The following ARHGAP10 variants were observed in gnomAD, a reference collection of about 807,000 sequenced individuals.
ARHGAP10 encodes the protein Rho GTPase activating protein 10, also known as rho GTPase-activating protein 10.
ARHGAP10 carries 87 observed loss-of-function variants against 108.6 expected under a neutral mutation model. That is an observed-to-expected ratio of 0.80 (90% CI 0.67 to 0.96). ARHGAP10 has a LOEUF of 0.96. Ranked by LOEUF, ARHGAP10 falls within the 40% of genes least tolerant of loss-of-function variation. The probability of loss-of-function intolerance (pLI) is 0.00; values close to 1 mark genes in which losing one functional copy is unlikely to be tolerated. For missense variants in ARHGAP10, 939 were observed against 954.5 expected (o/e 0.98, Z 0.21); for synonymous variants, 347 against 341.1 (o/e 1.02, Z -0.19).
intron 19 of ARHGAP10, among the ~76,000 whole-genome samples, chr4:148,041,506 C>T (rs554781174): frequency 1.3e-5 from 2 of 152,298 alleles, no homozygotes; most frequent in South Asian, 4.2e-4. Context: ...AGTTTGTCAT[C>T]ATCACAACAA....
chr4:147,834,080 T>C (rs1001131730), intron 3 of ARHGAP10, among the ~76,000 whole-genome samples: 1 of 152,236 alleles, frequency 6.6e-6, no homozygotes, highest in African/African-American at 2.4e-5. Context: ...CTTACAGTTA[T>C]GGAGGCTGAG....
chr4:148,004,270 A>G (rs760814118), intron 18 of ARHGAP10, among the ~76,000 whole-genome samples: 81 of 152,356 alleles, frequency 5.3e-4, no homozygotes, highest in Admixed American at 1.5e-3. Context: ...AAAATTTTGC[A>G]AAAATGCAAA....
intron 18 of ARHGAP10, among the ~76,000 whole-genome samples, chr4:147,984,928 C>T (rs1410979157): frequency 6.6e-6 from 1 of 152,212 alleles, no homozygotes; most frequent in African/African-American, 2.4e-5. Flanking sequence ...GGCAGGCCCA[C>T]CTACAGGTCC....
At chr4:147,932,814 T>C (rs1422339432) in intron 13 of ARHGAP10, among the ~76,000 whole-genome samples, 3 of 152,004 alleles carry the variant, frequency 2.0e-5, no homozygotes, top group Admixed American at 1.3e-4. Context: ...AAGTTGGAGA[T>C]AAAAAATGGA....
chr4:147,804,292 C>T (rs1293437218), intron 1 of ARHGAP10, among the ~76,000 whole-genome samples: 1 of 152,064 alleles, frequency 6.6e-6, no homozygotes, highest in Non-Finnish European at 1.5e-5. Flanking sequence ...AGGATAATGG[C>T]CTGCAGCTCC....
intron 10 of ARHGAP10, among the ~76,000 whole-genome samples, chr4:147,902,911 T>G (rs4835107): frequency 4.9e-4 from 68 of 139,508 alleles, no homozygotes; most frequent in Admixed American, 8.1e-4. Context: ...GAGAGAGAAG[T>G]GGGAGGGGAG....
intron 1 of ARHGAP10, among the ~76,000 whole-genome samples, chr4:147,734,578 T>G (rs915257736): frequency 1.3e-5 from 2 of 152,186 alleles, no homozygotes; most frequent in East Asian, 3.8e-4. Context: ...CTAGTTCCTA[T>G]CAAAGACTAA....
chr4:148,036,723 A>G (rs1245915334), intron 19 of ARHGAP10, among the ~76,000 whole-genome samples: 1 of 152,228 alleles, frequency 6.6e-6, no homozygotes, highest in Admixed American at 6.5e-5. Context: ...GTTGACTAGC[A>G]TACGGATAGA....
At chr4:147,837,821 T>C (rs1038433803) in intron 3 of ARHGAP10, among the ~76,000 whole-genome samples, 3 of 151,838 alleles carry the variant, frequency 2.0e-5, no homozygotes, top group African/African-American at 7.3e-5. Flanking sequence ...TCCTCAAACA[T>C]AGGAAGGGGT....
At chr4:147,761,792 T>G (rs191852537) in intron 1 of ARHGAP10, among the ~76,000 whole-genome samples, 238 of 152,334 alleles carry the variant, frequency 1.6e-3, no homozygotes, top group African/African-American at 5.1e-3. Flanking sequence ...TGATTGGCAC[T>G]AAGTGACTTT....
At chr4:147,961,998 C>T (rs1197187693) in intron 16 of ARHGAP10, among the ~76,000 whole-genome samples, 6 of 152,158 alleles carry the variant, frequency 3.9e-5, no homozygotes, top group African/African-American at 7.2e-5. Context: ...TGTAGAAGTT[C>T]GGCAGCTTTG....
Position 147,763,437 on chromosome 4 carries a change from G to A in ARHGAP10, c.154+30982G>A, listed in dbSNP as rs902896417. ...AGCGATTCTCCTGCCTCAGCCTCTC[G>A]AGTAGCTGGGACTATAGGCATGTGC... On this transcript the variant is annotated intron_variant, in intron 1 of 22. Coordinates refer to ENST00000336498, the MANE Select transcript of ARHGAP10 (RefSeq NM_024605.4). Among the ~76,000 whole-genome samples, 17 of 151,696 alleles carry A rather than the reference G, an allele frequency of 1.1e-4. No homozygotes were observed. In the East Asian group the frequency reaches 2.9e-3, roughly 26 times the overall value.
chr4:147,746,991 A>G (rs1363499990), intron 1 of ARHGAP10, among the ~76,000 whole-genome samples: 1 of 152,158 alleles, frequency 6.6e-6, no homozygotes, highest in Non-Finnish European at 1.5e-5. Context: ...ACTGAGTGGG[A>G]TGGCATACAG....
At chr4:147,787,900 TAGAA>T (rs1730957747) in intron 1 of ARHGAP10, among the ~76,000 whole-genome samples, 1 of 152,144 alleles carries the variant, frequency 6.6e-6, no homozygotes, top group Non-Finnish European at 1.5e-5. Context: ...GTCTGTGACT[TAGAA>T]AGTGAATAAG....
intron 1 of ARHGAP10, among the ~76,000 whole-genome samples, chr4:147,753,287 T>C (rs1419260505): frequency 6.6e-6 from 1 of 152,184 alleles, no homozygotes; most frequent in Non-Finnish European, 1.5e-5. Flanking sequence ...ATATCTGCTC[T>C]GTCCTGTCAG....
chr4:147,851,671 A>G (rs935598950), intron 4 of ARHGAP10, among the ~76,000 whole-genome samples: 1 of 152,242 alleles, frequency 6.6e-6, no homozygotes, highest in African/African-American at 2.4e-5. Context: ...TTCATTCAGT[A>G]ATAAAACACA....
At chr4:147,906,566 C>T in intron 10 of ARHGAP10, 72 bp from the exon 11 acceptor site, 1 of 1,466,232 alleles carries the variant, frequency 6.8e-7, no homozygotes, top group Non-Finnish European at 9.5e-7. Context: ...ATGGTTACAA[C>T]AGTTAAATCT....
chr4:147,966,575 C>T, intron 17 of ARHGAP10, 105 bp from the exon 18 acceptor site: 7 of 1,129,288 alleles, frequency 6.2e-6, no homozygotes, highest in Non-Finnish European at 8.5e-6. Context: ...GTGGTTAAGT[C>T]TCTTGACCCC....
intron 1 of ARHGAP10, among the ~76,000 whole-genome samples, chr4:147,802,097 C>T (rs1049392547): frequency 1.2e-4 from 19 of 152,144 alleles, no homozygotes; most frequent in African/African-American, 2.2e-4. Context: ...AGGAGTGGGG[C>T]GTATGAGGAT....
Sources: gnomAD v4.1 joint callset for allele counts (sites outside exome capture counted in the v4.1 genomes callset) on GRCh38, gnomAD v4.1.1 for gene constraint, MANE v1.5 for transcripts, NCBI Gene and HGNC (gene_info 2026-07-23, HGNC 2026-07-21) for gene names.